The following CDH18 variants were observed in gnomAD, a reference collection of about 807,000 sequenced individuals.
CDH18 encodes cadherin 18, also known as cadherin-18.
A neutral mutation model predicts 67.9 loss-of-function variants in CDH18; 31 were observed. That is an observed-to-expected ratio of 0.46 (90% CI 0.34 to 0.62). CDH18 has a LOEUF of 0.62. Ranked by LOEUF, CDH18 falls within the 20% of genes least tolerant of loss-of-function variation. CDH18 has a pLI of 0.01. For missense variants in CDH18, 890 were observed against 975.5 expected, an observed-to-expected ratio of 0.91 and a Z score of 1.17; for synonymous variants, 362 against 347.2, an observed-to-expected ratio of 1.04 and a Z score of -0.48.
intron 2 of CDH18, among the ~76,000 whole-genome samples, chr5:20,032,763 T>C (rs181780479): frequency 5.3e-5 from 8 of 152,180 alleles, no homozygotes; most frequent in Non-Finnish European, 8.8e-5. Flanking sequence ...GTTTCTCTCA[T>C]TTCAATAGAA....
chr5:20,132,078 G>A (rs935475400), intron 2 of CDH18, among the ~76,000 whole-genome samples: 3 of 152,056 alleles, frequency 2.0e-5, no homozygotes, highest in South Asian at 2.1e-4. Context: ...TAGTAGAGAC[G>A]GGGTTTAACC....
At chr5:19,936,084 C>T (rs1157021719) in intron 2 of CDH18, among the ~76,000 whole-genome samples, 2 of 151,282 alleles carry the variant, frequency 1.3e-5, no homozygotes, top group Non-Finnish European at 3.0e-5. Context: ...CATCTTAACA[C>T]TGAGGCTTTA....
intron 3 of CDH18, among the ~76,000 whole-genome samples, chr5:19,758,334 G>A (rs1364900747): frequency 6.6e-6 from 1 of 152,152 alleles, no homozygotes; most frequent in Non-Finnish European, 1.5e-5. Flanking sequence ...CCTCTCAAAA[G>A]GACAGTAATT....
At chr5:20,043,584 T>C (rs909526281) in intron 2 of CDH18, among the ~76,000 whole-genome samples, 1 of 152,190 alleles carries the variant, frequency 6.6e-6, no homozygotes, top group Admixed American at 6.5e-5. Flanking sequence ...TACAAGGTGT[T>C]ATGGATATAT....
chr5:20,041,851 A>C (rs890574559), intron 2 of CDH18, among the ~76,000 whole-genome samples: 2 of 152,252 alleles, frequency 1.3e-5, no homozygotes, highest in African/African-American at 4.8e-5. Flanking sequence ...ATTCTGTTGA[A>C]TCTAACTAAT....
At chr5:20,556,645 A>G (rs1350870146) in intron 1 of CDH18, among the ~76,000 whole-genome samples, 1 of 152,082 alleles carries the variant, frequency 6.6e-6, no homozygotes, top group Admixed American at 6.6e-5. Flanking sequence ...GACCTTTTTT[A>G]TCATTAAATG....
rs555703497 is a variant in CDH18, at chr5:19,610,442, C to T, written c.811+1992G>A. ...ACAATTAAAATTTTCTGTACATCTG[C>T]AAAGTCAATCTTAATAAACCTGTAA... On this transcript the variant is annotated intron_variant, in intron 6 of 12. Coordinates refer to ENST00000382275, the MANE Select transcript of CDH18 (RefSeq NM_004934.5). 3.9e-5 allele frequency among the ~76,000 whole-genome samples: 6 copies of T among 152,018 alleles called. No individual in the cohort carries two copies. In the East Asian group the frequency reaches 9.7e-4, roughly 25 times the overall value.
At chr5:20,551,689 C>G (rs16886239) in intron 1 of CDH18, among the ~76,000 whole-genome samples, 1 of 152,068 alleles carries the variant, frequency 6.6e-6, no homozygotes, top group African/African-American at 2.4e-5. Flanking sequence ...TCTCAGAATC[C>G]TACTCCTTGT....
chr5:19,860,487 T>C (rs1784778600), intron 2 of CDH18, among the ~76,000 whole-genome samples: 1 of 151,580 alleles, frequency 6.6e-6, no homozygotes, highest in Non-Finnish European at 1.5e-5. Context: ...TACTTGCAGA[T>C]AGTTTTATTT....
At chr5:20,097,984 T>C (rs1248923236) in intron 2 of CDH18, among the ~76,000 whole-genome samples, 1 of 152,058 alleles carries the variant, frequency 6.6e-6, no homozygotes, top group Non-Finnish European at 1.5e-5. Flanking sequence ...TTAGATTATA[T>C]AATTTCTTCA....
At chr5:20,415,563 G>T (rs1338442406) in intron 1 of CDH18, among the ~76,000 whole-genome samples, 1 of 151,904 alleles carries the variant, frequency 6.6e-6, no homozygotes, top group African/African-American at 2.4e-5. Context: ...CACGAGGTCA[G>T]GAGATTGAGA....
intron 1 of CDH18, among the ~76,000 whole-genome samples, chr5:20,289,839 T>A (rs2126729807): frequency 6.6e-6 from 1 of 152,116 alleles, no homozygotes; most frequent in Non-Finnish European, 1.5e-5. Context: ...GGCAAAAAAC[T>A]GAAATACATT....
rs1007296521 is a variant in CDH18 at position 20,247,120 on chromosome 5, G to A, written c.-518+8324C>T. 2.0e-5 allele frequency among the ~76,000 whole-genome samples: 3 copies of A among 152,146 alleles called. 1 individual carries two copies. Among genetic ancestry groups the A allele is most frequent in the Non-Finnish European group, 4.4e-5 (3 of 68,016 alleles). On this transcript the variant is annotated intron_variant, in intron 2 of 14. Coordinates refer to the CDH18 transcript ENST00000507958. ...TCCCAACCATGCAGCCTAACATTTTGTTAATCCTATAAACCAGTTCATGCA... is the reference window on the plus strand; with the variant it reads ...TCCCAACCATGCAGCCTAACATTTTATTAATCCTATAAACCAGTTCATGCA...
intron 1 of CDH18, among the ~76,000 whole-genome samples, chr5:20,290,029 G>A (rs898299221): frequency 2.0e-5 from 3 of 152,016 alleles, no homozygotes; most frequent in African/African-American, 2.4e-5. Context: ...ATCACACAAA[G>A]GCACTTTAGA....
chr5:20,374,424 G>T (rs894628870), intron 1 of CDH18, among the ~76,000 whole-genome samples: 3 of 152,192 alleles, frequency 2.0e-5, no homozygotes, highest in South Asian at 4.1e-4. Context: ...ATCAAAGGTA[G>T]TTAGGTCTCT....
chr5:20,559,255 A>C (rs1176861694), intron 1 of CDH18, among the ~76,000 whole-genome samples: 1 of 152,088 alleles, frequency 6.6e-6, no homozygotes, highest in African/African-American at 2.4e-5. Flanking sequence ...TACTTGGTAA[A>C]CATCAGTTCA....
intron 3 of CDH18, among the ~76,000 whole-genome samples, chr5:19,817,411 G>T (rs1779407820): frequency 6.6e-6 from 1 of 151,882 alleles, no homozygotes; most frequent in African/African-American, 2.4e-5. Flanking sequence ...CATGATATGT[G>T]TACAAGGACA....
At chr5:20,071,877 C>T (rs1449591455) in intron 2 of CDH18, among the ~76,000 whole-genome samples, 1 of 152,036 alleles carries the variant, frequency 6.6e-6, no homozygotes, top group African/African-American at 2.4e-5. Flanking sequence ...TACATTTCTA[C>T]CCTCTCTTAG....
chr5:19,957,767 G>A (rs530726081), intron 2 of CDH18, among the ~76,000 whole-genome samples: 19 of 151,970 alleles, frequency 1.3e-4, no homozygotes, highest in South Asian at 2.1e-4. Context: ...TCCATCATCT[G>A]TTGTAATTTA....
Sources: gnomAD v4.1 joint callset for allele counts (sites outside exome capture counted in the v4.1 genomes callset) on GRCh38, gnomAD v4.1.1 for gene constraint, MANE v1.5 for transcripts, NCBI Gene and HGNC (gene_info 2026-07-23, HGNC 2026-07-21) for gene names.